The following VWA8 variants were observed in gnomAD, a reference collection of about 807,000 sequenced individuals.
VWA8 encodes von Willebrand factor A domain containing 8.
In VWA8, 221 loss-of-function variants were observed where a neutral mutation model predicts 241.5. The ratio of observed to expected loss-of-function variants is 0.91; its 90% CI spans 0.82 to 1.02. The LOEUF is 1.02. VWA8 is among the 50% of genes least tolerant of loss of function. The pLI is 0.00. For synonymous variants in VWA8, 852 were observed against 827.1 expected (o/e 1.03, Z -0.52); for missense variants, 2,322 against 2,328.7 (o/e 1.00, Z 0.06).
intron 9 of VWA8, among the ~76,000 whole-genome samples, chr13:41,882,131 G>T (rs1303338145): frequency 6.6e-6 from 1 of 151,126 alleles, no homozygotes. Context: ...AGACGGGGTC[G>T]CGGCCGGGTG....
intron 12 of VWA8, among the ~76,000 whole-genome samples, chr13:41,864,025 G>C (rs1873168815): frequency 6.6e-6 from 1 of 150,844 alleles, no homozygotes; most frequent in African/African-American, 2.4e-5. Context: ...CTCCAAAGAA[G>C]ATATACAAAT....
At chr13:41,651,412 T>C (rs975847396) in intron 37 of VWA8, among the ~76,000 whole-genome samples, 2 of 152,320 alleles carry the variant, frequency 1.3e-5, no homozygotes, top group Middle Eastern at 6.8e-3. Flanking sequence ...TATAATAGTG[T>C]AGAAAGCAGA....
At chr13:41,603,447 G>A (rs984063522) in intron 40 of VWA8, among the ~76,000 whole-genome samples, 2 of 152,130 alleles carry the variant, frequency 1.3e-5, no homozygotes, top group Non-Finnish European at 2.9e-5. Context: ...GATAGTGCTT[G>A]TAAAAGCAAC....
At chr13:41,905,306 A>C (rs569282244) in intron 4 of VWA8, 1 of 152,156 alleles carries the variant, frequency 6.6e-6, no homozygotes, top group Non-Finnish European at 1.5e-5. Context: ...TCTTGGCTAC[A>C]AGAGAGAATT....
chr13:41,720,203 T>C (rs2045377745), intron 25 of VWA8, among the ~76,000 whole-genome samples: 1 of 152,018 alleles, frequency 6.6e-6, no homozygotes, highest in Admixed American at 6.6e-5. Flanking sequence ...ACATAAAAAG[T>C]GCAAACAACA....
At chr13:41,597,463 C>T (rs2044495913) in intron 40 of VWA8, among the ~76,000 whole-genome samples, 1 of 151,966 alleles carries the variant, frequency 6.6e-6, no homozygotes, top group Admixed American at 6.6e-5. Flanking sequence ...AGATATGTAC[C>T]TTATTCTAAG....
At chr13:41,897,734 T>G (rs562478089) in intron 4 of VWA8, among the ~76,000 whole-genome samples, 2 of 152,242 alleles carry the variant, frequency 1.3e-5, no homozygotes, top group East Asian at 3.9e-4. Context: ...AGACCTTCGC[T>G]GTGAGTGTTA....
intron 20 of VWA8, among the ~76,000 whole-genome samples, chr13:41,770,710 A>C (rs73183373): frequency 0.014 from 2,123 of 152,086 alleles, 13 homozygotes; most frequent in East Asian, 0.02. Flanking sequence ...AGAAAATGAA[A>C]ATCAGGGATA....
At chr13:41,854,017 T>C (rs1254594921) in intron 12 of VWA8, among the ~76,000 whole-genome samples, 1 of 152,180 alleles carries the variant, frequency 6.6e-6, no homozygotes, top group East Asian at 1.9e-4. Flanking sequence ...GCAGCTTCAA[T>C]TGATAGAATC....
intron 13 of VWA8, among the ~76,000 whole-genome samples, chr13:41,832,434 T>C (rs1204211732): frequency 6.6e-6 from 1 of 152,202 alleles, no homozygotes; most frequent in African/African-American, 2.4e-5. Context: ...AAAAATATTG[T>C]AAATCTATGG....
intron 24 of VWA8, among the ~76,000 whole-genome samples, chr13:41,722,208 T>C (rs2045398423): frequency 6.6e-6 from 1 of 152,172 alleles, no homozygotes; most frequent in Non-Finnish European, 1.5e-5. Flanking sequence ...AGGTTAGTTT[T>C]GGTAGAGTAA....
intron 41 of VWA8, among the ~76,000 whole-genome samples, chr13:41,589,968 AT>A (rs2139646906): frequency 6.6e-6 from 1 of 152,348 alleles, no homozygotes; most frequent in African/African-American, 2.4e-5. Flanking sequence ...CCCGGTGCAC[AT>A]TAATACATTT....
intron 2 of VWA8, among the ~76,000 whole-genome samples, chr13:41,920,152 C>T (rs140315357): frequency 6.6e-6 from 1 of 152,300 alleles, no homozygotes; most frequent in Non-Finnish European, 1.5e-5. Context: ...GTCACCATCC[C>T]AGCATCAAGA....
chr13:41,778,752 T>C (rs1868738558), intron 19 of VWA8, among the ~76,000 whole-genome samples: 1 of 152,080 alleles, frequency 6.6e-6, no homozygotes, highest in African/African-American at 2.4e-5. Context: ...GTACTAAAGT[T>C]ATTGACGTTC....
At chr13:41,901,895 T>A (rs201818340) in intron 4 of VWA8, among the ~76,000 whole-genome samples, 7,608 of 73,276 alleles carry the variant, frequency 0.1, 633 homozygotes, top group Non-Finnish European at 0.16. Flanking sequence ...AAAAAATATA[T>A]ATATATATAT....
At chr13:41,763,130 A>AAACG (rs2045753087) in intron 20 of VWA8, among the ~76,000 whole-genome samples, 1 of 151,830 alleles carries the variant, frequency 6.6e-6, no homozygotes, top group Non-Finnish European at 1.5e-5. Context: ...ACAAACAAAC[A>AAACG]AACAAAAAAT....
At chr13:41,836,845 A>C (rs1417049101) in intron 12 of VWA8, among the ~76,000 whole-genome samples, 1 of 152,232 alleles carries the variant, frequency 6.6e-6, no homozygotes, top group African/African-American at 2.4e-5. Context: ...GCTCACCGCT[A>C]TAAATGCCAA....
chr13:41,885,894 G>A, intron 8 of VWA8, 26 bp downstream of exon 8: 1 of 1,495,510 alleles, frequency 6.7e-7, no homozygotes, highest in Non-Finnish European at 9.1e-7. Context: ...ATTTGGGTAT[G>A]CCAGTCATTA....
chr13:41,867,729 C>A (rs956358884), intron 10 of VWA8, among the ~76,000 whole-genome samples: 1 of 152,032 alleles, frequency 6.6e-6, no homozygotes, highest in East Asian at 1.9e-4. Flanking sequence ...AAAAGTTTAT[C>A]ATGAGCTGGG....
Sources: allele counts gnomAD v4.1 joint callset (sites outside exome capture counted in the v4.1 genomes callset), GRCh38; gene constraint gnomAD v4.1.1; transcripts MANE v1.5; gene names NCBI Gene and HGNC (gene_info 2026-07-23, HGNC 2026-07-21).